PROZ: variants seen among roughly 807,000 people sequenced by gnomAD.
The protein encoded by PROZ is protein Z, vitamin K dependent plasma glycoprotein.
In PROZ, 46 loss-of-function variants were observed where a neutral mutation model predicts 34.9. That is an observed-to-expected ratio of 1.32 (90% confidence interval 1.04 to 1.69). The LOEUF (loss-of-function observed/expected upper bound fraction) is 1.69. PROZ is among the 40% of genes most tolerant of loss of function. PROZ has a pLI of 0.00. For missense variants in PROZ, 530 were observed against 520.4 expected (o/e 1.02, Z -0.18); for synonymous variants, 195 against 208.5 (o/e 0.94, Z 0.56).
At chr13:113,163,243 G>C in intron 4 of PROZ, 121 bp downstream of exon 4, 2 of 842,820 alleles carry the variant, frequency 2.4e-6, no homozygotes, top group Non-Finnish European at 3.9e-6. Flanking sequence ...TGTGTGAACC[G>C]CGATTTGGCT....
chr13:113,159,883 C>G lies in PROZ; in HGVS notation c.71-131C>G. On this transcript the variant is annotated intron_variant, in intron 1 of 7. Transcript: ENST00000375547. This position sits in a 1 kb window ranked among gnomAD's most constrained non-coding sequence, Gnocchi z 4.6. ...AGGGAGTAGCGGGGTGGCCCTGAGG[C>G]CCTCGCAGGCTGAGAGCCTGTGGAG... is the stretch of plus-strand genomic sequence containing the variant. 9.2e-7 allele frequency: 1 copy of G among 1,085,382 alleles called. No homozygotes were observed. The highest frequency in any genetic ancestry group is 1.4e-6 in the Non-Finnish European group (1 of 707,792). 67.2% of individuals were successfully genotyped at this position (1,085,382 alleles called of 1,614,324 possible).
intron 3 of PROZ, 109 bp from the exon 4 acceptor site, chr13:113,162,900 T>TCCCC: frequency 4.2e-6 from 1 of 240,446 alleles, no homozygotes. Context: ...CACCCCCCAC[T>TCCCC]CCATCCTCCT....
chr13:113,165,077 C>T lies in PROZ; in HGVS notation c.530C>T (p.Thr177Ile). 1 of 1,613,174 alleles carries T rather than the reference C, an allele frequency of 6.2e-7. No homozygotes were observed. Among genetic ancestry groups the T allele is most frequent in the Non-Finnish European group, 8.5e-7 (1 of 1,180,016 alleles). Residue 177 changes from threonine to isoleucine, a missense_variant, in exon 6 of 8, where the codon ACC (threonine) becomes ATC (isoleucine). Thr to Ile is a moderately conservative substitution (Grantham distance 89, BLOSUM62 -1). Transcript: ENST00000375547. ...PHDQCACGVLTSEKRAPDLQD... is the reference protein window; with the variant it reads ...PHDQCACGVLISEKRAPDLQD... The stretch of plus-strand genomic sequence containing the variant: ...GACCAGTGTGCCTGCGGGGTGCTGA[C>T]CTCTGAGAAGCGTGCACCGGATCTA...
chr13:113,171,601 C>G lies in PROZ; in HGVS notation c.699C>G (p.Asn233Lys), dbSNP rs985451784. 1 of 1,614,118 alleles carries G rather than the reference C, an allele frequency of 6.2e-7. No homozygotes were observed. The highest frequency in any genetic ancestry group is 8.5e-7 in the Non-Finnish European group (1 of 1,180,028). The change falls in exon 8 of 8, where the codon AAC (asparagine) becomes AAG (lysine). Residue 233 changes from asparagine (N) to lysine (K), a missense_variant. Asn to Lys is a moderately conservative substitution (Grantham distance 94, BLOSUM62 0). Coordinates refer to ENST00000375547, the MANE Select transcript of PROZ (RefSeq NM_003891.3). This position sits in a 1 kb window ranked among gnomAD's most constrained non-coding sequence, Gnocchi z 5.1. ...HRNITVKTYF[N>K]RTSQDPLMIK... ...GATTGTTCATGATTTCAGATTTTAA[C>G]AGAACGAGCCAAGACCCGCTGATGA...
Position 113,163,100 on chromosome 13 carries a change from T to G in PROZ, c.351T>G (p.Tyr117Ter). The G allele has an allele frequency of 6.4e-7, 1 of 1,555,540 alleles. No individual in the cohort carries two copies. The highest frequency in any genetic ancestry group is 8.7e-7 in the Non-Finnish European group (1 of 1,148,886). ...WGYTCTCSPG[Y>*]EGSNCELAKN... is the part of the protein sequence containing the mutation. ...ACACCTGCACCTGCTCCCCCGGCTA[T>G]GAGGGCAGCAACTGCGAGCTGGGTG... is the stretch of plus-strand genomic sequence containing the variant. Residue 117 changes from tyrosine (Y) to a stop codon, truncating the protein, a stop_gained, in exon 4 of 8, where the codon TAT becomes TAG. Transcript: ENST00000375547. LOFTEE classifies it high-confidence loss of function.
chr13:113,164,042 G>C (rs192790282), intron 4 of PROZ, among the ~76,000 whole-genome samples: 1 of 151,132 alleles, frequency 6.6e-6, no homozygotes, highest in Non-Finnish European at 1.5e-5. Flanking sequence ...GCAGTGACGC[G>C]ATGTCAGCTC....
Position 113,172,376 on chromosome 13 carries a change from G to C in PROZ, c.*271G>C. 2 of 468,796 alleles carry C rather than the reference G, an allele frequency of 4.3e-6. No individual in the cohort carries two copies. The highest frequency in any genetic ancestry group is 3.9e-6 in the Non-Finnish European group (1 of 257,108). 29.0% of individuals were successfully genotyped at this position (468,796 alleles called of 1,614,324 possible). On this transcript the variant is annotated 3_prime_UTR_variant, in exon 8 of 8. Transcript: ENST00000375547. Reference sequence around the variant, plus strand: ...AATAATAAAATAAGATAATCTGTCAGTCATAAAGCAGCCTGGTTTCCAGAA... The same window carrying C: ...AATAATAAAATAAGATAATCTGTCACTCATAAAGCAGCCTGGTTTCCAGAA...
chr13:113,161,845 C>T (rs2036769995), intron 3 of PROZ, among the ~76,000 whole-genome samples: 1 of 112,890 alleles, frequency 8.9e-6, no homozygotes, highest in Admixed American at 8.5e-5. Context: ...GCCACGTCCC[C>T]CCATCCTCCT....
In PROZ at chr13:113,165,105, G is replaced by C. The variant is rs746083622; in HGVS notation, c.558G>C (p.Gln186His). ...LTSEKRAPDL[Q>H]DLPWQVKLTN... The stretch of plus-strand genomic sequence containing the variant: ...CTGAGAAGCGTGCACCGGATCTACA[G>C]GACCTCCCGTGGCAGGTAACAGAGC... Residue 186 changes from glutamine (Q) to histidine (H), a missense_variant, in exon 6 of 8, where the codon CAG (glutamine) becomes CAC (histidine). Gln to His is a conservative substitution (Grantham distance 24, BLOSUM62 0). Coordinates refer to ENST00000375547, the MANE Select transcript of PROZ (RefSeq NM_003891.3). 28 of 1,612,144 alleles carry C rather than the reference G, an allele frequency of 1.7e-5. No homozygotes were observed. The highest frequency in any genetic ancestry group is 2.4e-5 in the Non-Finnish European group (28 of 1,179,994).
In PROZ at chr13:113,172,113, T is replaced by C. The variant is rs1307889520; in HGVS notation, c.*8T>C. 1 of 1,611,934 alleles carries C rather than the reference T, an allele frequency of 6.2e-7. No homozygotes were observed. On this transcript the variant is annotated 3_prime_UTR_variant, in exon 8 of 8. Transcript: ENST00000375547. ...AAACAGATCATGAACTAACTGAAAC[T>C]CAGCTAGCCAGAATGAACAACACAA...
intron 6 of PROZ, among the ~76,000 whole-genome samples, chr13:113,169,952 T>C (rs1755690): frequency 0.71 from 107,464 of 152,168 alleles, 38,708 homozygotes; most frequent in Middle Eastern, 0.81. Flanking sequence ...CCAGCCACTG[T>C]GGCCTCCCTG....
chr13:113,159,077 G>T lies in PROZ; in HGVS notation c.70+347G>T. 1 of 808,814 alleles carries T rather than the reference G, an allele frequency of 1.2e-6. No individual in the cohort carries two copies. Among genetic ancestry groups the T allele is most frequent in the Non-Finnish European group, 2.1e-6 (1 of 487,682 alleles). The allele number at this position is 808,814 out of a possible 1,614,324, so 50.1% of individuals were successfully genotyped here. On this transcript the variant is annotated intron_variant, in intron 1 of 7. Transcript: ENST00000375547. The surrounding 1 kb of genome is among the most constrained non-coding windows in gnomAD (Gnocchi z 4.6). ...GAGGGGAGGGGGTGGGGCAGGCTGAGCCCAGACTGCAATGTGGGCAGAGAG... is the reference window on the plus strand; with the variant it reads ...GAGGGGAGGGGGTGGGGCAGGCTGATCCCAGACTGCAATGTGGGCAGAGAG...
At chr13:113,164,464 A>C in intron 4 of PROZ, 49 bp from the exon 5 acceptor site, 1 of 1,602,782 alleles carries the variant, frequency 6.2e-7, no homozygotes. Flanking sequence ...GGCTGTGATA[A>C]AATGACTATT....
In PROZ at chr13:113,165,048, T is replaced by C. The variant is rs2036883374; in HGVS notation, c.506-5T>C. 6.2e-7 allele frequency: 1 copy of C among 1,613,326 alleles called. No homozygotes were observed. The highest frequency in any genetic ancestry group is 8.5e-7 in the Non-Finnish European group (1 of 1,179,948). On this transcript the variant is annotated splice_region_variant and splice_polypyrimidine_tract_variant and intron_variant, in intron 5 of 7. Coordinates refer to ENST00000375547, the MANE Select transcript of PROZ (RefSeq NM_003891.3). ...TTTATTCTCATGTTGCTGCCGCAAA[T>C]GCAGACCAGTGTGCCTGCGGGGTGC...
At position 113,164,390 on chromosome 13, in the gene PROZ, C is replaced by T. The variant is rs1479412919; in HGVS notation, c.374-123C>T. 10 of 1,105,562 alleles carry T rather than the reference C, an allele frequency of 9.0e-6. No homozygotes were observed. The East Asian group carries it at 1.8e-4, about 20-fold the overall frequency. 68.5% of individuals were successfully genotyped at this position (1,105,562 alleles called of 1,614,324 possible). On this transcript the variant is annotated intron_variant, in intron 4 of 7. Coordinates refer to ENST00000375547, the MANE Select transcript of PROZ (RefSeq NM_003891.3). ...AATGAGAACACATGGACCAACACAC[C>T]AGAACTCTTGTGTGCAAGGCTGTGA...
Position 113,172,327 on chromosome 13 carries a change from T to A in PROZ, c.*222T>A. 1.7e-6 allele frequency: 1 copy of A among 599,664 alleles called. No individual in the cohort carries two copies. The highest frequency in any genetic ancestry group is 2.9e-6 in the Non-Finnish European group (1 of 340,416). The allele number at this position is 599,664 out of a possible 1,614,324, so 37.1% of individuals were successfully genotyped here. ...GAACTCTTTATCTCAATAGAGACCT[T>A]AAAAGAAAACATGAGATACGTTAAA... On this transcript the variant is annotated 3_prime_UTR_variant, in exon 8 of 8. Transcript: ENST00000375547.
chr13:113,165,010 G>T (rs1325217920), intron 5 of PROZ, 43 bp from the exon 6 acceptor site: 2 of 1,589,764 alleles, frequency 1.3e-6, no homozygotes, highest in Non-Finnish European at 1.7e-6. Context: ...TATTCGCTGA[G>T]AAGGCGCTGA....
chr13:113,159,093 G>A lies in PROZ; in HGVS notation c.70+363G>A, dbSNP rs574812075. The A allele has an allele frequency of 7.7e-6, 7 of 912,218 alleles. No individual in the cohort carries two copies. Among genetic ancestry groups the A allele is most frequent in the African/African-American group, 6.6e-5 (4 of 60,884 alleles). 56.5% of individuals were successfully genotyped at this position (912,218 alleles called of 1,614,324 possible). A position where few individuals can be genotyped will look rare whatever the true frequency, so the allele number is the denominator to read the frequency against. On this transcript the variant is annotated intron_variant, in intron 1 of 7. Coordinates refer to ENST00000375547, the MANE Select transcript of PROZ (RefSeq NM_003891.3). The surrounding 1 kb of genome is among the most constrained non-coding windows in gnomAD (Gnocchi z 4.6). The stretch of plus-strand genomic sequence containing the variant: ...GCAGGCTGAGCCCAGACTGCAATGT[G>A]GGCAGAGAGAGCCTTGGCCAGGCCA...
chr13:113,167,316 A>T (rs1232872749), intron 6 of PROZ, among the ~76,000 whole-genome samples: 1 of 152,238 alleles, frequency 6.6e-6, no homozygotes, highest in East Asian at 1.9e-4. Context: ...GGTATTCAAC[A>T]AGTGGCAGCT....
Sources: allele counts gnomAD v4.1 joint callset (sites outside exome capture counted in the v4.1 genomes callset), GRCh38; gene constraint gnomAD v4.1.1; non-coding constraint Gnocchi (gnomAD v3.1); transcripts MANE v1.5; gene names NCBI Gene and HGNC (gene_info 2026-07-23, HGNC 2026-07-21).